Variants in ARHGAP10 observed in about 807,000 individuals in gnomAD.
ARHGAP10 encodes the protein rho GTPase-activating protein 10.
In ARHGAP10, 87 loss-of-function variants were observed where a neutral mutation model predicts 108.6. That is an observed-to-expected ratio of 0.80 (90% CI 0.67 to 0.96). The LOEUF (loss-of-function observed/expected upper bound fraction) is 0.96. Ranked by LOEUF, ARHGAP10 falls within the 40% of genes least tolerant of loss-of-function variation. The pLI is 0.00. For missense variants in ARHGAP10, 939 were observed against 954.5 expected, an observed-to-expected ratio of 0.98 and a Z score of 0.21; for synonymous variants, 347 against 341.1, an observed-to-expected ratio of 1.02 and a Z score of -0.19.
At chr4:147,914,422 GC>G (rs1736876572) in intron 13 of ARHGAP10, among the ~76,000 whole-genome samples, 1 of 151,868 alleles carries the variant, frequency 6.6e-6, no homozygotes, top group African/African-American at 2.4e-5. Context: ...TGGTGGTGGA[GC>G]CATAGCTCAC....
chr4:147,782,712 G>C (rs372945850), intron 1 of ARHGAP10: 2 of 152,144 alleles, frequency 1.3e-5, no homozygotes, highest in Non-Finnish European at 2.9e-5. Context: ...GTTCTGAGGG[G>C]TCAGACCAGT....
intron 1 of ARHGAP10, among the ~76,000 whole-genome samples, chr4:147,809,903 G>T (rs527675640): frequency 6.6e-5 from 10 of 152,242 alleles, no homozygotes; most frequent in African/African-American, 2.4e-4. Flanking sequence ...ACGCCAAGGA[G>T]ATTTAGGATA....
At chr4:147,816,433 A>T (rs1434671188) in intron 1 of ARHGAP10, among the ~76,000 whole-genome samples, 2 of 152,164 alleles carry the variant, frequency 1.3e-5, no homozygotes, top group Non-Finnish European at 2.9e-5. Flanking sequence ...TTACTCCATA[A>T]ATTTGTCACT....
At chr4:147,833,054 C>T (rs1017542062) in intron 3 of ARHGAP10, among the ~76,000 whole-genome samples, 3 of 152,154 alleles carry the variant, frequency 2.0e-5, no homozygotes, top group Non-Finnish European at 4.4e-5. Flanking sequence ...TGGGTGCCTG[C>T]CATCATCTTG....
chr4:147,857,457 T>C (rs1734139322), intron 4 of ARHGAP10, 96 bp from the exon 5 acceptor site: 1 of 1,201,006 alleles, frequency 8.3e-7, no homozygotes, highest in Non-Finnish European at 1.1e-6. Flanking sequence ...TGCTTTGTTT[T>C]ATTTTCAGAT....
intron 1 of ARHGAP10, among the ~76,000 whole-genome samples, chr4:147,780,212 C>T (rs1469378758): frequency 3.3e-5 from 5 of 152,162 alleles, no homozygotes; most frequent in Non-Finnish European, 5.9e-5. Flanking sequence ...TTCACTTCCC[C>T]TTTTCTGTGG....
At chr4:147,882,670 CCTT>C (rs1179206247) in intron 10 of ARHGAP10, among the ~76,000 whole-genome samples, 1 of 152,064 alleles carries the variant, frequency 6.6e-6, no homozygotes, top group African/African-American at 2.4e-5. Flanking sequence ...TAGGCAAACT[CCTT>C]CTGTTTATTC....
chr4:148,028,214 A>G (rs755043674), intron 19 of ARHGAP10, among the ~76,000 whole-genome samples: 4 of 152,114 alleles, frequency 2.6e-5, no homozygotes, highest in Non-Finnish European at 5.9e-5. Flanking sequence ...TGACTGAGGC[A>G]TGGCAGGAGC....
At chr4:148,000,942 C>T (rs950611813) in intron 18 of ARHGAP10, among the ~76,000 whole-genome samples, 2 of 152,146 alleles carry the variant, frequency 1.3e-5, no homozygotes, top group Non-Finnish European at 2.9e-5. Context: ...TAGATCCCAT[C>T]TGTAAATTTT....
intron 12 of ARHGAP10, among the ~76,000 whole-genome samples, chr4:147,910,483 C>T (rs566804408): frequency 2.0e-5 from 3 of 152,228 alleles, no homozygotes; most frequent in African/African-American, 4.8e-5. Flanking sequence ...CTGTTTATAT[C>T]GAGGCCCTGT....
At chr4:147,817,052 T>G (rs1257907751) in intron 1 of ARHGAP10, among the ~76,000 whole-genome samples, 2 of 152,200 alleles carry the variant, frequency 1.3e-5, no homozygotes, top group Non-Finnish European at 2.9e-5. Context: ...AGGTGCAATT[T>G]GTCTATTTTA....
intron 10 of ARHGAP10, among the ~76,000 whole-genome samples, chr4:147,899,712 A>T (rs1736150566): frequency 4.5e-5 from 3 of 66,908 alleles, no homozygotes; most frequent in Non-Finnish European, 1.5e-4. Flanking sequence ...ACATGCTTTT[A>T]TCATCTCTGG....
intron 18 of ARHGAP10, among the ~76,000 whole-genome samples, chr4:147,973,310 G>GGAGTT (rs1411709890): frequency 6.6e-6 from 1 of 152,142 alleles, no homozygotes; most frequent in Non-Finnish European, 1.5e-5. Flanking sequence ...TCTGAGGTAG[G>GGAGTT]GAGTTCTTTA....
chr4:147,732,500 G>T (rs536011691), intron 1 of ARHGAP10, 45 bp downstream of exon 1: 21 of 1,602,646 alleles, frequency 1.3e-5, no homozygotes, highest in Non-Finnish European at 1.7e-5. Context: ...GTGGCGAGGC[G>T]GCTGGGGGAG....
intron 5 of ARHGAP10, chr4:147,862,572 G>A (rs1017099886): frequency 1.3e-5 from 2 of 152,282 alleles, no homozygotes; most frequent in East Asian, 1.9e-4. Context: ...CAGACTGGCC[G>A]CTGCTGCCAT....
intron 12 of ARHGAP10, among the ~76,000 whole-genome samples, chr4:147,911,580 T>C (rs1380738639): frequency 6.6e-6 from 1 of 152,186 alleles, no homozygotes; most frequent in Non-Finnish European, 1.5e-5. Flanking sequence ...GCCAGGATGG[T>C]CTTGATCTCC....
chr4:148,056,845 T>C (rs940466196), intron 20 of ARHGAP10, among the ~76,000 whole-genome samples: 1 of 152,226 alleles, frequency 6.6e-6, no homozygotes, highest in African/African-American at 2.4e-5. Flanking sequence ...AGTGATGATA[T>C]AACCCTAGAA....
At chr4:147,748,155 A>G (rs745465583) in intron 1 of ARHGAP10, among the ~76,000 whole-genome samples, 1 of 152,246 alleles carries the variant, frequency 6.6e-6, no homozygotes, top group Admixed American at 6.5e-5. Context: ...TGCTAAGACA[A>G]TAACCATGAA....
chr4:147,784,861 A>G (rs1364111751), intron 1 of ARHGAP10, among the ~76,000 whole-genome samples: 3 of 116,366 alleles, frequency 2.6e-5, no homozygotes, highest in African/African-American at 6.8e-5. Context: ...TTATAAATAT[A>G]TTATAAAATA....
Sources: allele counts gnomAD v4.1 joint callset (sites outside exome capture counted in the v4.1 genomes callset), GRCh38; gene constraint gnomAD v4.1.1; transcripts MANE v1.5; gene names NCBI Gene and HGNC (gene_info 2026-07-23, HGNC 2026-07-21).